The following ANKRD28 variants were observed in gnomAD, a reference collection of about 807,000 sequenced individuals.
ANKRD28 encodes serine/threonine-protein phosphatase 6 regulatory ankyrin repeat subunit A.
ANKRD28 carries 44 observed loss-of-function variants against 126.5 expected under a neutral mutation model. The ratio of observed to expected loss-of-function variants is 0.35; its 90% CI spans 0.27 to 0.45. The LOEUF (loss-of-function observed/expected upper bound fraction) is 0.45, where lower values mean the gene tolerates loss of function less well. Ranked by LOEUF, ANKRD28 falls within the 20% of genes least tolerant of loss-of-function variation. ANKRD28 has a pLI of 1.00. For missense variants in ANKRD28, 1,110 were observed against 1,316.6 expected (o/e 0.84, Z 2.43); for synonymous variants, 442 against 468.5 (o/e 0.94, Z 0.73).
intron 2 of ANKRD28, among the ~76,000 whole-genome samples, chr3:15,794,144 G>A (rs1171230206): frequency 6.6e-6 from 1 of 151,970 alleles, no homozygotes; most frequent in Non-Finnish European, 1.5e-5. Context: ...TAAACTTGAA[G>A]GCAATTCACT....
rs372469129 is a variant in ANKRD28, at chr3:15,708,026, T to C, written c.1445A>G (p.Gln482Arg). Residue 482 changes from glutamine (Q) to arginine (R), a missense_variant, in exon 14 of 28, where the codon CAG (glutamine) becomes CGG (arginine). By Grantham distance (43) the Gln-to-Arg change is conservative. Coordinates refer to ENST00000683139, the MANE Select transcript of ANKRD28 (RefSeq NM_001349278.2). ...TGATCCCACAAGAGCAAACAGGCAC[T>C]GGTAATTGCAGTTGGCAGCAGCGTA... is the stretch of plus-strand genomic sequence containing the variant. Reference protein sequence around the residue: ...LHYAAANCNYQCLFALVGSGA... With the variant: ...LHYAAANCNYRCLFALVGSGA... The C allele has an allele frequency of 4.3e-6, 7 of 1,610,388 alleles. No homozygotes were observed. The highest frequency in any genetic ancestry group is 5.9e-6 in the Non-Finnish European group (7 of 1,178,402).
rs560338708 is a variant in ANKRD28, at chr3:15,804,985, C to T, written c.28-9679G>A. Among the ~76,000 whole-genome samples the T allele has an allele frequency of 3.0e-4, 43 of 145,304 alleles. 5 individuals are homozygous for T. Among genetic ancestry groups the T allele is most frequent in the African/African-American group, 9.5e-4 (37 of 38,858 alleles). On this transcript the variant is annotated intron_variant, in intron 1 of 27. Coordinates refer to the ANKRD28 transcript ENST00000399451. ...GGGGACTAGAAGAATGCTGACTTTG[C>T]GCTCTTTCCTCCTCCCAACACACAT...
intron 2 of ANKRD28, among the ~76,000 whole-genome samples, chr3:15,769,539 C>T (rs1483363961): frequency 1.3e-5 from 2 of 152,030 alleles, no homozygotes; most frequent in Non-Finnish European, 2.9e-5. Context: ...CTTAAATGCC[C>T]ACTAAATGGT....
intron 2 of ANKRD28, among the ~76,000 whole-genome samples, chr3:15,766,947 G>C (rs113791099): frequency 0.019 from 2,928 of 152,160 alleles, 98 homozygotes; most frequent in African/African-American, 0.066. Context: ...CAAACCAAAA[G>C]ATTTGCTTAT....
chr3:15,740,784 T>C (rs960874084), intron 4 of ANKRD28, among the ~76,000 whole-genome samples: 1 of 152,210 alleles, frequency 6.6e-6, no homozygotes, highest in African/African-American at 2.4e-5. Context: ...TGGTTCACAG[T>C]AGGTAAGCGT....
rs761407855 is a variant in ANKRD28 at position 15,705,841 on chromosome 3, T to A, written c.1547+2083A>T. On this transcript the variant is annotated intron_variant, in intron 14 of 27. Coordinates refer to ENST00000683139, the MANE Select transcript of ANKRD28 (RefSeq NM_001349278.2). ...CATGGTGAATCTGTCTCTACTAAAA[T>A]TACAAAAATTAGCCAGGCATGGTGG... Among the ~76,000 whole-genome samples, 35 of 147,840 alleles carry A rather than the reference T, an allele frequency of 2.4e-4. 1 individual carries two copies. The highest frequency in any genetic ancestry group is 1.9e-4 in the Non-Finnish European group (13 of 67,656).
In ANKRD28 at chr3:15,678,566, T is replaced by C. The variant is rs183838543; in HGVS notation, c.2562-212A>G. On this transcript the variant is annotated intron_variant, in intron 23 of 27. Coordinates refer to ENST00000683139, the MANE Select transcript of ANKRD28 (RefSeq NM_001349278.2). ...ATAATACAGAAGGCTTTAATTAAAC[T>C]AGAACTAGTATGAAGTAAAGATTAA... Among the ~76,000 whole-genome samples, 17 of 152,338 alleles carry C rather than the reference T, an allele frequency of 1.1e-4. No homozygotes were observed. The East Asian group carries it at 2.1e-3, about 19-fold the overall frequency.
chr3:15,835,527 T>A (rs778842893), intron 1 of ANKRD28, among the ~76,000 whole-genome samples: 12 of 152,252 alleles, frequency 7.9e-5, no homozygotes, highest in Non-Finnish European at 1.3e-4. Context: ...TTAGAACTCA[T>A]CTTTGAAAAG....
intron 3 of ANKRD28, among the ~76,000 whole-genome samples, chr3:15,756,862 T>C (rs1351381782): frequency 6.6e-6 from 1 of 152,240 alleles, no homozygotes; most frequent in Non-Finnish European, 1.5e-5. Context: ...GCAAGACAAC[T>C]GATTGACTTA....
At position 15,712,208 on chromosome 3, in the gene ANKRD28, C is replaced by T; in HGVS notation, c.1205G>A (p.Gly402Glu). The T allele has an allele frequency of 6.3e-7, 1 of 1,581,190 alleles. No homozygotes were observed. Among genetic ancestry groups the T allele is most frequent in the Non-Finnish European group, 8.6e-7 (1 of 1,162,884 alleles). The change falls in exon 11 of 28, where the codon GGA becomes GAA. Residue 402 changes from glycine (G) to glutamate (E), a missense_variant. By Grantham distance (98) the Gly-to-Glu change is moderately conservative. Coordinates refer to ENST00000683139, the MANE Select transcript of ANKRD28 (RefSeq NM_001349278.2). Reference protein sequence around the residue: ...GADTAKRGIHGMFPLHLAALS... With the variant: ...GADTAKRGIHEMFPLHLAALS... ...GGCTGCCAAATGGAGGGGGAACATT[C>T]CATGTATGCCACGCCTAAAGTTAAT...
intron 3 of ANKRD28, among the ~76,000 whole-genome samples, chr3:15,765,527 C>T (rs547439477): frequency 4.1e-4 from 63 of 152,200 alleles, no homozygotes; most frequent in Admixed American, 3.7e-3. Flanking sequence ...CTCAATGAGG[C>T]CTACTATAAC....
chr3:15,715,521 T>C (rs772280804), intron 8 of ANKRD28, among the ~76,000 whole-genome samples: 17 of 152,176 alleles, frequency 1.1e-4, no homozygotes, highest in Non-Finnish European at 2.4e-4. Flanking sequence ...AAACAAGCCA[T>C]CCAATTGACA....
At chr3:15,769,032 T>C (rs557253617) in intron 2 of ANKRD28, among the ~76,000 whole-genome samples, 1 of 152,306 alleles carries the variant, frequency 6.6e-6, no homozygotes, top group South Asian at 2.1e-4. Flanking sequence ...TGCCTAGGCT[T>C]TTCAGTGTTA....
intron 4 of ANKRD28, among the ~76,000 whole-genome samples, chr3:15,737,631 A>G (rs1277194315): frequency 1.6e-5 from 1 of 61,374 alleles, no homozygotes; most frequent in African/African-American, 6.4e-5. Flanking sequence ...CCCCTGGCTA[A>G]TTTTTTAGTT....
In ANKRD28 at chr3:15,812,137, A is replaced by T. The variant is rs1351375052; in HGVS notation, c.28-16831T>A. ...CACTGCACTCCAGCCTGGGCAACAGAGTGAGACTCTGGCAAACAAAACAAA... is the reference window on the plus strand; with the variant it reads ...CACTGCACTCCAGCCTGGGCAACAGTGTGAGACTCTGGCAAACAAAACAAA... On this transcript the variant is annotated intron_variant, in intron 1 of 27. Transcript: ENST00000399451. The surrounding 1 kb of genome is among the most constrained non-coding windows in gnomAD (Gnocchi z 4.1). 1.3e-5 allele frequency among the ~76,000 whole-genome samples: 2 copies of T among 151,254 alleles called. No homozygotes were observed. Among genetic ancestry groups the T allele is most frequent in the Non-Finnish European group, 2.9e-5 (2 of 67,916 alleles).
At chr3:15,677,358 TC>T in intron 25 of ANKRD28, 121 bp downstream of exon 25, 1 of 700,510 alleles carries the variant, frequency 1.4e-6, no homozygotes, top group South Asian at 2.1e-5. Context: ...GTTCAAGAAA[TC>T]TAATACCAGT....
chr3:15,770,015 T>C (rs2058922643), intron 2 of ANKRD28, among the ~76,000 whole-genome samples: 1 of 151,026 alleles, frequency 6.6e-6, no homozygotes, highest in Non-Finnish European at 1.5e-5. Flanking sequence ...TCCACATCCA[T>C]TGAAAAAGCC....
upstream of ANKRD28, among the ~76,000 whole-genome samples, chr3:15,801,386 G>A (rs970409037): frequency 2.6e-5 from 4 of 151,950 alleles, no homozygotes; most frequent in Non-Finnish European, 5.9e-5. This position sits in a 1 kb window ranked among gnomAD's most constrained non-coding sequence, Gnocchi z 4.9. Context: ...CTCACCTTTT[G>A]TCTTACACAT....
At position 15,675,950 on chromosome 3, in the gene ANKRD28, C is replaced by T; in HGVS notation, c.2913G>A (p.Val971=). The T allele has an allele frequency of 6.2e-7, 1 of 1,613,032 alleles. No homozygotes were observed. The highest frequency in any genetic ancestry group is 8.5e-7 in the Non-Finnish European group (1 of 1,179,296). The stretch of plus-strand genomic sequence containing the variant: ...CTCCTTTTCCCAAAAGTTCCTGAAC[C>T]ACCATTGTTAGCCCATTTCGGGCAG... The part of the protein sequence containing the change: ...HVAARNGLTM[V]VQELLGKGAS... The change falls in exon 27 of 28, where the codon GTG becomes GTA. Residue 971 remains valine, a synonymous_variant. Transcript: ENST00000683139.
Sources: gnomAD v4.1 joint callset for allele counts (sites outside exome capture counted in the v4.1 genomes callset) on GRCh38, gnomAD v4.1.1 for gene constraint, Gnocchi (gnomAD v3.1) non-coding constraint, MANE v1.5 for transcripts, NCBI Gene and HGNC (gene_info 2026-07-23, HGNC 2026-07-21) for gene names.